Variants in RNF4 observed in about 807,000 individuals in gnomAD.
The protein encoded by RNF4 is E3 ubiquitin-protein ligase RNF4.
Under a neutral mutation model 24.3 loss-of-function variants are expected in RNF4, and 7 were observed. The observed-to-expected ratio is 0.29, with a 90% CI of 0.16 to 0.54. The LOEUF is 0.54. RNF4 is among the 20% of genes least tolerant of loss of function. RNF4 has a pLI of 0.95. For missense variants in RNF4, 209 were observed against 248.5 expected (o/e 0.84, Z 1.07); for synonymous variants, 83 against 84.3 (o/e 0.98, Z 0.09).
At chr4:2,476,359 C>T (rs1373757816) in intron 1 of RNF4, among the ~76,000 whole-genome samples, 1 of 152,128 alleles carries the variant, frequency 6.6e-6, no homozygotes, top group Non-Finnish European at 1.5e-5. Flanking sequence ...GAAATGTTCT[C>T]TCCTATTCTC....
At chr4:2,497,254 T>A in intron 3 of RNF4, 133 bp downstream of exon 3, 1 of 584,918 alleles carries the variant, frequency 1.7e-6, no homozygotes, top group Non-Finnish European at 3.0e-6. Context: ...CATGTACAAC[T>A]CAAAGCTTCA....
intron 4 of RNF4, among the ~76,000 whole-genome samples, chr4:2,501,800 T>C (rs530421335): frequency 6.6e-6 from 1 of 152,280 alleles, no homozygotes; most frequent in South Asian, 2.1e-4. Flanking sequence ...GTTGGGGTTA[T>C]CCTGTTTGGC....
chr4:2,483,901 C>T lies in RNF4; in HGVS notation c.-157-6436C>T, dbSNP rs146888973. Among the ~76,000 whole-genome samples the T allele has an allele frequency of 2.8e-3, 426 of 151,522 alleles. 1 individual carries two copies. Among genetic ancestry groups the T allele is most frequent in the African/African-American group, 9.9e-3 (409 of 41,288 alleles). On this transcript the variant is annotated intron_variant, in intron 1 of 7. Coordinates refer to ENST00000314289, the MANE Select transcript of RNF4 (RefSeq NM_002938.5). ...AGGCTGGAGTGCAATGGTGCGATCT[C>T]GGCTCACCTCCACCTCTTGGGTTCG...
rs776582971 is a variant in RNF4, at chr4:2,513,120, G to A, written c.412G>A (p.Gly138Arg). The A allele has an allele frequency of 1.1e-5, 18 of 1,613,632 alleles. No individual in the cohort carries two copies. The highest frequency in any genetic ancestry group is 1.7e-5 in the Admixed American group (1 of 60,000). The change falls in exon 7 of 8, where the codon GGA (glycine) becomes AGA (arginine). Residue 138 changes from glycine (G) to arginine (R), a missense_variant. Transcript: ENST00000314289. ...TGTCAGTTGTCCCATCTGCATGGAC[G>A]GATACTCAGAGGTAAGTAAACCAAG... ...GTVSCPICMD[G>R]YSEIVQNGRL... is the part of the protein sequence containing the mutation.
chr4:2,487,675 A>G (rs972777620), intron 1 of RNF4, among the ~76,000 whole-genome samples: 7 of 152,074 alleles, frequency 4.6e-5, no homozygotes, highest in African/African-American at 7.2e-5. Context: ...TCCCTCTTCA[A>G]CTTCCCAAAG....
At chr4:2,498,885 C>A (rs1735820726) in intron 3 of RNF4, among the ~76,000 whole-genome samples, 2 of 147,392 alleles carry the variant, frequency 1.4e-5, no homozygotes, top group African/African-American at 2.5e-5. Flanking sequence ...CAAGACCCCA[C>A]CTAAAAAATA....
At chr4:2,509,844 G>C (rs989074391) in intron 4 of RNF4, among the ~76,000 whole-genome samples, 1 of 152,282 alleles carries the variant, frequency 6.6e-6, no homozygotes, top group African/African-American at 2.4e-5. Flanking sequence ...GGTCATCTTG[G>C]CAGAGGGTGG....
chr4:2,505,372 C>G (rs951119233), intron 4 of RNF4: 2 of 150,078 alleles, frequency 1.3e-5, no homozygotes, highest in African/African-American at 4.9e-5. Flanking sequence ...GTTGCCCAAG[C>G]TGGAGTACAG....
At chr4:2,495,916 C>T (rs2108766178) in intron 2 of RNF4, among the ~76,000 whole-genome samples, 1 of 152,318 alleles carries the variant, frequency 6.6e-6, no homozygotes, top group East Asian at 1.9e-4. Flanking sequence ...CAGGCCTGAG[C>T]CACTGCGCCT....
At chr4:2,473,600 C>A (rs1734974117) in intron 1 of RNF4, among the ~76,000 whole-genome samples, 1 of 151,834 alleles carries the variant, frequency 6.6e-6, no homozygotes, top group Non-Finnish European at 1.5e-5. Context: ...ATTACGAGGT[C>A]AGGAGTTCAC....
chr4:2,474,282 G>A (rs1442206678), intron 1 of RNF4, among the ~76,000 whole-genome samples: 1 of 151,814 alleles, frequency 6.6e-6, no homozygotes, highest in Non-Finnish European at 1.5e-5. Flanking sequence ...GGAGGCTGAG[G>A]CAGGAGAATC....
At chr4:2,486,178 A>G (rs1735402730) in intron 1 of RNF4, among the ~76,000 whole-genome samples, 1 of 152,170 alleles carries the variant, frequency 6.6e-6, no homozygotes, top group African/African-American at 2.4e-5. Flanking sequence ...TTACTGGGTG[A>G]TGTGAGGAGC....
chr4:2,499,369 G>A lies in RNF4; in HGVS notation c.125-1290G>A, dbSNP rs565782621. ...TGCAGTGGCGTGATCTTTGCATCCC[G>A]GGGTTCAAGCAATTCTCCTGCCTCA... On this transcript the variant is annotated intron_variant, in intron 3 of 7. Coordinates refer to ENST00000314289, the MANE Select transcript of RNF4 (RefSeq NM_002938.5). 1.8e-5 allele frequency: 8 copies of A among 436,446 alleles called. No individual in the cohort carries two copies. The East Asian group carries it at 3.2e-4, about 17-fold the overall frequency. The allele number at this position is 436,446 out of a possible 1,614,324, so 27.0% of individuals were successfully genotyped here.
At chr4:2,498,186 G>C (rs1045339992) in intron 3 of RNF4, among the ~76,000 whole-genome samples, 2 of 151,972 alleles carry the variant, frequency 1.3e-5, no homozygotes, top group Non-Finnish European at 2.9e-5. Context: ...GCACTGTTTT[G>C]TTTTTGTTTC....
intron 4 of RNF4, among the ~76,000 whole-genome samples, chr4:2,503,478 C>A (rs1327172801): frequency 6.6e-6 from 1 of 152,198 alleles, no homozygotes; most frequent in Non-Finnish European, 1.5e-5. Context: ...TCTCTCAGAT[C>A]TACTGGTCAG....
At chr4:2,498,534 G>C (rs1384409184) in intron 3 of RNF4, among the ~76,000 whole-genome samples, 1 of 152,164 alleles carries the variant, frequency 6.6e-6, no homozygotes, top group African/African-American at 2.4e-5. Context: ...ACCAGAAAGA[G>C]AATGGTTCAA....
Position 2,515,033 on chromosome 4 carries a change from A to G in RNF4, c.*1214A>G, listed in dbSNP as rs1297589733. 1 of 134,974 alleles carries G rather than the reference A, an allele frequency of 7.4e-6. No individual in the cohort carries two copies. The highest frequency in any genetic ancestry group is 1.6e-5 in the Non-Finnish European group (1 of 62,592). The allele number at this position is 134,974 out of a possible 1,614,324, so 8.4% of individuals were successfully genotyped here. A position where few individuals can be genotyped will look rare whatever the true frequency, so the allele number is the denominator to read the frequency against. ...CTCTCAGGGGCAGCAAAGTGGCCCA[A>G]GCTGCCCCTGACAGCACAGGGCCTG... On this transcript the variant is annotated 3_prime_UTR_variant, in exon 8 of 8. Transcript: ENST00000314289.
intron 1 of RNF4, among the ~76,000 whole-genome samples, chr4:2,477,308 C>A (rs567606410): frequency 6.6e-6 from 1 of 150,742 alleles, no homozygotes; most frequent in Non-Finnish European, 1.5e-5. Flanking sequence ...TGCTTTAGGT[C>A]GGGGGCGGTG....
chr4:2,491,917 G>T (rs1205473246), intron 2 of RNF4, among the ~76,000 whole-genome samples: 1 of 150,990 alleles, frequency 6.6e-6, no homozygotes, highest in Non-Finnish European at 1.5e-5. Context: ...AGAAAAAATT[G>T]GCCAGGTGCG....
Sources: allele counts gnomAD v4.1 joint callset (sites outside exome capture counted in the v4.1 genomes callset), GRCh38; gene constraint gnomAD v4.1.1; transcripts MANE v1.5; gene names NCBI Gene and HGNC (gene_info 2026-07-23, HGNC 2026-07-21).